Variants in GNB2 observed in about 807,000 individuals in gnomAD.
GNB2 encodes G protein subunit beta 2, also known as guanine nucleotide-binding protein G(I)/G(S)/G(T) subunit beta-2.
A neutral mutation model predicts 40.7 loss-of-function variants in GNB2; 7 were observed. The observed-to-expected ratio is 0.17, with a 90% CI of 0.10 to 0.32. GNB2 has a LOEUF of 0.32. Among genes scored for constraint, GNB2 ranks in the 10% least tolerant of loss-of-function variants. The pLI is 1.00. For missense variants in GNB2, 286 were observed against 473.0 expected (o/e 0.60, Z 3.67); for synonymous variants, 254 against 191.2 (o/e 1.33, Z -2.71).
rs374471771 is a variant in GNB2, at chr7:100,678,708, C to T, written c.930C>T (p.Gly310=). ...MKGDRAGVLA[G]HDNRVSCLGV... Reference sequence around the variant, plus strand: ...TCTTCTTCACAGGAGTCCTCGCTGGCCACGACAACCGCGTGAGCTGCCTCG... The same window carrying T: ...TCTTCTTCACAGGAGTCCTCGCTGGTCACGACAACCGCGTGAGCTGCCTCG... The change falls in exon 10 of 10, where the codon GGC becomes GGT. Residue 310 remains glycine (G), a synonymous_variant. Coordinates refer to ENST00000303210, the MANE Select transcript of GNB2 (RefSeq NM_005273.4). 18 of 1,613,344 alleles carry T rather than the reference C, an allele frequency of 1.1e-5. No homozygotes were observed. In the African/African-American group the frequency reaches 2.3e-4, roughly 20 times the overall value.
At chr7:100,677,149 C>A (rs989067491) in intron 4 of GNB2, 8 of 602,324 alleles carry the variant, frequency 1.3e-5, no homozygotes, top group Admixed American at 5.8e-5. Context: ...TGGTGCTCAC[C>A]TTGTAGTCCC....
chr7:100,677,343 C>A lies in GNB2; in HGVS notation c.204-9C>A, dbSNP rs1284759488. The A allele has an allele frequency of 6.8e-6, 11 of 1,612,178 alleles. No homozygotes were observed. The highest frequency in any genetic ancestry group is 3.3e-5 in the Admixed American group (2 of 60,006). On this transcript the variant is annotated splice_polypyrimidine_tract_variant and intron_variant, in intron 4 of 9. Coordinates refer to ENST00000303210, the MANE Select transcript of GNB2 (RefSeq NM_005273.4). ...ACCCTTCTGCTCTCCCTACACCGTT[C>A]CCCACCAGGCTGCTGGTCAGCGCCT...
rs773794992 is a variant in GNB2 at position 100,678,682 on chromosome 7, CTCT to C, written c.917-7_917-5del. On this transcript the variant is annotated splice_polypyrimidine_tract_variant and intron_variant, in intron 9 of 9. Coordinates refer to ENST00000303210, the MANE Select transcript of GNB2 (RefSeq NM_005273.4). ...CCAGGCCCAATGGGTTCTGACTTCTCTCTTCTTCACAGGAGTCCTCGCTGGCCA... is the reference window on the plus strand; with the variant it reads ...CCAGGCCCAATGGGTTCTGACTTCTCTCTTCACAGGAGTCCTCGCTGGCCA... 711 of 1,612,108 alleles carry C rather than the reference CTCT, an allele frequency of 4.4e-4. 2 individuals carry two copies. The highest frequency in any genetic ancestry group is 9.9e-4 in the Middle Eastern group (6 of 6,054).
intron 1 of GNB2, 99 bp from the exon 2 acceptor site, chr7:100,676,078 C>A: frequency 3.9e-6 from 2 of 509,000 alleles, no homozygotes; most frequent in Non-Finnish European, 6.9e-6. Flanking sequence ...CGCCCCTTCC[C>A]CCTCCCCTTG....
chr7:100,675,939 C>T (rs1477804475), intron 1 of GNB2: 8 of 347,760 alleles, frequency 2.3e-5, no homozygotes, highest in Non-Finnish European at 3.6e-5. Context: ...GAGGGGTTTC[C>T]CCTGCGCTTC....
In GNB2 at chr7:100,673,824, C is replaced by A. The variant is rs865831724; in HGVS notation, c.-189C>A. The A allele has an allele frequency of 0.017, 3,168 of 181,750 alleles. 132 individuals carry two copies. Among genetic ancestry groups the A allele is most frequent in the African/African-American group, 0.075 (3,001 of 40,038 alleles). The allele number at this position is 181,750 out of a possible 1,614,324, so 11.3% of individuals were successfully genotyped here. Reference sequence around the variant, plus strand: ...CTGAGGAAATCCATCCGCGCCGCCGCCGCCGCCGCCGCCGCCGCCGCCGCC... The same window carrying A: ...CTGAGGAAATCCATCCGCGCCGCCGACGCCGCCGCCGCCGCCGCCGCCGCC... On this transcript the variant is annotated 5_prime_UTR_variant, in exon 1 of 10. Coordinates refer to ENST00000303210, the MANE Select transcript of GNB2 (RefSeq NM_005273.4).
rs199877757 is a variant in GNB2, at chr7:100,678,662, C to T, written c.917-33C>T. On this transcript the variant is annotated intron_variant, in intron 9 of 9. Transcript: ENST00000303210. ...GGTGGGCAGGGACCTGGAGCCCAGGCCCAATGGGTTCTGACTTCTCTCTTC... is the reference window on the plus strand; with the variant it reads ...GGTGGGCAGGGACCTGGAGCCCAGGTCCAATGGGTTCTGACTTCTCTCTTC... The T allele has an allele frequency of 9.4e-6, 15 of 1,603,220 alleles. No individual in the cohort carries two copies. In the East Asian group the frequency reaches 2.9e-4, roughly 31 times the overall value.
At chr7:100,678,070 C>A in intron 7 of GNB2, 28 bp from the exon 8 acceptor site, 1 of 1,571,478 alleles carries the variant, frequency 6.4e-7, no homozygotes, top group Non-Finnish European at 8.8e-7. Flanking sequence ...TGTCTCTTAT[C>A]TTTTCTTTCT....
rs1804430440 is a variant in GNB2, at chr7:100,678,899, CCGGGCCA to C, written c.*103_*109del. On this transcript the variant is annotated 3_prime_UTR_variant, in exon 10 of 10. Transcript: ENST00000303210. Reference sequence around the variant, plus strand: ...GCTGGCGCAATCCCAGCCCCCTTCCCCGGGCCACGGGGCCTTGGGTCCCTGCCCTCCC... The same window carrying C: ...GCTGGCGCAATCCCAGCCCCCTTCCCCGGGGCCTTGGGTCCCTGCCCTCCC... 2 of 961,520 alleles carry C rather than the reference CCGGGCCA, an allele frequency of 2.1e-6. No individual in the cohort carries two copies. The highest frequency in any genetic ancestry group is 2.4e-5 in the Admixed American group (1 of 40,932). The allele number at this position is 961,520 out of a possible 1,614,324, so 59.6% of individuals were successfully genotyped here.
chr7:100,678,308 T>C lies in GNB2; in HGVS notation c.699+9T>C. 1.2e-6 allele frequency: 2 copies of C among 1,612,436 alleles called. No homozygotes were observed. The highest frequency in any genetic ancestry group is 1.7e-6 in the Non-Finnish European group (2 of 1,179,074). On this transcript the variant is annotated intron_variant, in intron 8 of 9. Transcript: ENST00000303210. ...ACATCAATGCAGTGGCTGTGAGTTTTGGGGCGAGCTAGGCCAGGCCCTCCC... is the reference window on the plus strand; with the variant it reads ...ACATCAATGCAGTGGCTGTGAGTTTCGGGGCGAGCTAGGCCAGGCCCTCCC...
chr7:100,676,826 T>G, intron 4 of GNB2, 27 bp downstream of exon 4: 1 of 1,354,368 alleles, frequency 7.4e-7, no homozygotes, highest in Non-Finnish European at 1.0e-6. Context: ...GGGCTGGCGC[T>G]GTGGGCCGAC....
Position 100,676,162 on chromosome 7 carries a change from C to T in GNB2, c.-89-15C>T, listed in dbSNP as rs1804341861. On this transcript the variant is annotated splice_polypyrimidine_tract_variant and intron_variant, in intron 1 of 9. Transcript: ENST00000303210. ...CCGGCGGCCTCGGGCCTGACGTCAG[C>T]CCTGCATCCCCCAGGCCTCGGGCCA... 4.5e-6 allele frequency: 3 copies of T among 669,844 alleles called. No homozygotes were observed. Among genetic ancestry groups the T allele is most frequent in the Non-Finnish European group, 7.7e-6 (3 of 391,286 alleles). 41.5% of individuals were successfully genotyped at this position (669,844 alleles called of 1,614,324 possible).
In GNB2 at chr7:100,677,821, G is replaced by A. The variant is rs62482253; in HGVS notation, c.497+3G>A. 4.1e-3 allele frequency: 6,580 copies of A among 1,612,614 alleles called. 18 individuals are homozygous for A. The highest frequency in any genetic ancestry group is 5.2e-3 in the Non-Finnish European group (6,125 of 1,179,160). On this transcript the variant is annotated splice_donor_region_variant and intron_variant, in intron 7 of 9. Transcript: ENST00000303210. ...ACCAGCTCTGGGGATACCACCTGGT[G>A]AGGCTCTGCCAGGGCTGGGCAGTCT...
In GNB2 at chr7:100,678,956, C is replaced by A; in HGVS notation, c.*155C>A. On this transcript the variant is annotated 3_prime_UTR_variant, in exon 10 of 10. Transcript: ENST00000303210. ...CACCCAGGTTTGGTTCCTCCCGGGG[C>A]CCCCACTGTGGAGATAAGAAGGGGA... 1 of 622,988 alleles carries A rather than the reference C, an allele frequency of 1.6e-6. No homozygotes were observed. Among genetic ancestry groups the A allele is most frequent in the Non-Finnish European group, 2.9e-6 (1 of 349,438 alleles). 38.6% of individuals were successfully genotyped at this position (622,988 alleles called of 1,614,324 possible).
At position 100,673,839 on chromosome 7, in the gene GNB2, CCG is replaced by C. The variant is rs1429651851; in HGVS notation, c.-172_-171del. On this transcript the variant is annotated 5_prime_UTR_variant, in exon 1 of 10. Transcript: ENST00000303210. ...CGCGCCGCCGCCGCCGCCGCCGCCG[CCG>C]CCGCCGCCGCCTCCGCCGCGGAGGA... 4.5e-4 allele frequency: 85 copies of C among 190,748 alleles called. No individual in the cohort carries two copies. The highest frequency in any genetic ancestry group is 8.2e-4 in the Admixed American group (13 of 15,894). 11.8% of individuals were successfully genotyped at this position (190,748 alleles called of 1,614,324 possible).
intron 1 of GNB2, among the ~76,000 whole-genome samples, chr7:100,675,076 G>A (rs1804320305): frequency 6.6e-6 from 1 of 151,932 alleles, no homozygotes; most frequent in African/African-American, 2.4e-5. Context: ...GTGTACGGCC[G>A]GATCGCACAG....
At chr7:100,677,201 T>C (rs772996925) in intron 4 of GNB2, 151 bp from the exon 5 acceptor site, 19 of 644,538 alleles carry the variant, frequency 2.9e-5, no homozygotes, top group Non-Finnish European at 4.8e-5. Flanking sequence ...CACTTGAGCC[T>C]AGGAGTTCCA....
intron 1 of GNB2, 44 bp downstream of exon 1, chr7:100,673,967 A>G (rs541992777): frequency 2.6e-4 from 41 of 157,816 alleles, no homozygotes; most frequent in Middle Eastern, 3.2e-3. Flanking sequence ...CCCAGCCCCA[A>G]TTTCCCCCAG....
chr7:100,675,938 C>T (rs2131349503), intron 1 of GNB2: 2 of 335,916 alleles, frequency 6.0e-6, no homozygotes, highest in East Asian at 5.8e-5. Context: ...GGAGGGGTTT[C>T]CCCTGCGCTT....
Sources: gnomAD v4.1 joint callset for allele counts (sites outside exome capture counted in the v4.1 genomes callset) on GRCh38, gnomAD v4.1.1 for gene constraint, MANE v1.5 for transcripts, NCBI Gene and HGNC (gene_info 2026-07-23, HGNC 2026-07-21) for gene names.